The following RLF variants were observed in gnomAD, a reference collection of about 807,000 sequenced individuals.
RLF encodes the protein RLF zinc finger.
RLF carries 7 observed loss-of-function variants against 162.9 expected under a neutral mutation model. The ratio of observed to expected loss-of-function variants is 0.04; its 90% CI spans 0.02 to 0.08. RLF has a LOEUF of 0.08. Among genes scored for constraint, RLF ranks in the 10% least tolerant of loss-of-function variants. RLF has a pLI of 1.00. For synonymous variants in RLF, 782 were observed against 791.5 expected (o/e 0.99, Z 0.20); for missense variants, 1,664 against 2,244.7 (o/e 0.74, Z 5.23).
In RLF at chr1:40,238,436, A is replaced by G. The variant is rs779208611; in HGVS notation, c.3734A>G (p.His1245Arg). ...PSSNSEKPHC[H>R]PKKDECSSET... is the part of the protein sequence containing the mutation. ...AGTAACTCTGAGAAACCACACTGTC[A>G]TCCTAAAAAGGATGAATGTAGTTCT... is the stretch of plus-strand genomic sequence containing the variant. The change falls in exon 8 of 8, where the codon CAT becomes CGT. Residue 1245 changes from histidine to arginine, a missense_variant. By Grantham distance (29) the His-to-Arg change is conservative. This residue lies in a region of RLF where 102 missense variants were observed against 109.5 expected (regional missense o/e 0.93). Transcript: ENST00000372771. This position sits in a 1 kb window ranked among gnomAD's most constrained non-coding sequence, Gnocchi z 5.2. 1 of 1,614,050 alleles carries G rather than the reference A, an allele frequency of 6.2e-7. No individual in the cohort carries two copies. The highest frequency in any genetic ancestry group is 8.5e-7 in the Non-Finnish European group (1 of 1,180,010).
intron 1 of RLF, among the ~76,000 whole-genome samples, chr1:40,170,950 TTAG>T (rs1557736931): frequency 6.6e-6 from 1 of 152,152 alleles, no homozygotes; most frequent in Non-Finnish European, 1.5e-5. Flanking sequence ...GTTATTATTA[TTAG>T]TAGTAGTAGT....
At chr1:40,222,457 TAGC>T in intron 5 of RLF, 114 bp from the exon 6 acceptor site, 2 of 818,614 alleles carry the variant, frequency 2.4e-6, no homozygotes, top group Non-Finnish European at 3.9e-6. Flanking sequence ...ACTCATTCAT[TAGC>T]AGGAGAAAAT....
intron 6 of RLF, among the ~76,000 whole-genome samples, chr1:40,228,396 C>T (rs1643106503): frequency 6.6e-6 from 1 of 151,538 alleles, no homozygotes; most frequent in African/African-American, 2.4e-5. Context: ...CCAGCCTGGC[C>T]AACATAGCGA....
At chr1:40,180,505 A>G (rs1174667594) in intron 1 of RLF, among the ~76,000 whole-genome samples, 2 of 152,076 alleles carry the variant, frequency 1.3e-5, no homozygotes, top group Admixed American at 1.3e-4. Context: ...CAAGTGATCA[A>G]CCTGCCTTGG....
intron 1 of RLF, among the ~76,000 whole-genome samples, chr1:40,169,622 CAAAAAAAAAAAAA>C (rs886534976): frequency 4.3e-5 from 2 of 46,992 alleles, no homozygotes; most frequent in African/African-American, 1.7e-4. Flanking sequence ...GACTCCGTCT[CAAAAAAAAAAAAA>C]AAAAAAAAAA....
chr1:40,199,534 A>T (rs1333220052), intron 4 of RLF, among the ~76,000 whole-genome samples: 1 of 152,232 alleles, frequency 6.6e-6, no homozygotes, highest in Non-Finnish European at 1.5e-5. Flanking sequence ...TGTGTGTCAG[A>T]ATCAGGTTTC....
rs146958102 is a variant in RLF at position 40,181,060 on chromosome 1, G to A, written c.238-7995G>A. Among the ~76,000 whole-genome samples, 26 of 152,316 alleles carry A rather than the reference G, an allele frequency of 1.7e-4. No homozygotes were observed. The East Asian group carries it at 4.2e-3, about 25-fold the overall frequency. ...TTTGATCCATTTCAAGTTGGTTTAT[G>A]TATATGGTGTAAGGTAAGGTCCAGC... On this transcript the variant is annotated intron_variant, in intron 1 of 7. Coordinates refer to ENST00000372771, the MANE Select transcript of RLF (RefSeq NM_012421.4).
chr1:40,168,426 A>G (rs1642195592), intron 1 of RLF, among the ~76,000 whole-genome samples: 1 of 151,964 alleles, frequency 6.6e-6, no homozygotes, highest in Admixed American at 6.6e-5. Context: ...TTATATTTTT[A>G]GTAGAGATGG....
intron 1 of RLF, among the ~76,000 whole-genome samples, chr1:40,165,580 T>G (rs1005409358): frequency 3.9e-5 from 6 of 152,178 alleles, no homozygotes; most frequent in Non-Finnish European, 7.3e-5. Flanking sequence ...GGGATTTTTT[T>G]GGGGGGACAC....
chr1:40,211,738 C>T (rs182692765), intron 5 of RLF, among the ~76,000 whole-genome samples: 4 of 152,210 alleles, frequency 2.6e-5, no homozygotes, highest in Admixed American at 2.6e-4. Flanking sequence ...TCTCCTGCTT[C>T]AGCCTCCCGA....
At position 40,225,572 on chromosome 1, in the gene RLF, CTG is replaced by C. The variant is rs1483333599; in HGVS notation, c.947+2864_947+2865del. On this transcript the variant is annotated intron_variant, in intron 6 of 7. Transcript: ENST00000372771. ...GCAGCCTGGGTGACAGAGCAAGACT[CTG>C]TCTCAAAAAAAAAAAAAAAAAGCCG... Among the ~76,000 whole-genome samples, 11 of 101,180 alleles carry C rather than the reference CTG, an allele frequency of 1.1e-4. No homozygotes were observed. The Admixed American group carries it at 1.2e-3, about 11-fold the overall frequency. The allele number at this position is 101,180 out of a possible 152,430, so 66.4% of individuals were successfully genotyped here.
intron 5 of RLF, among the ~76,000 whole-genome samples, chr1:40,221,560 G>A (rs1358891649): frequency 3.3e-5 from 5 of 151,708 alleles, no homozygotes; most frequent in Middle Eastern, 3.4e-3. Context: ...TTGTAACTGC[G>A]TAGCGCACTG....
chr1:40,232,216 TAA>T (rs536086286), intron 7 of RLF, among the ~76,000 whole-genome samples: 1 of 140,800 alleles, frequency 7.1e-6, no homozygotes. Flanking sequence ...TTTTTTTTTT[TAA>T]AAAAAAAAAA....
intron 5 of RLF, among the ~76,000 whole-genome samples, chr1:40,207,116 T>C (rs1175054807): frequency 6.6e-6 from 1 of 152,228 alleles, no homozygotes; most frequent in African/African-American, 2.4e-5. Flanking sequence ...TCCCACTAGA[T>C]TGTAAACTCC....
chr1:40,189,983 C>G (rs1292726134), intron 2 of RLF, among the ~76,000 whole-genome samples: 1 of 152,158 alleles, frequency 6.6e-6, no homozygotes, highest in African/African-American at 2.4e-5. Flanking sequence ...GACTTCTAGT[C>G]TAGATGGTTT....
At chr1:40,189,357 C>G (rs1187168217) in intron 2 of RLF, 148 bp downstream of exon 2, 3 of 614,104 alleles carry the variant, frequency 4.9e-6, no homozygotes, top group Non-Finnish European at 8.2e-6. Context: ...TACTCACGTT[C>G]CCAGGAGATA....
intron 3 of RLF, among the ~76,000 whole-genome samples, chr1:40,193,922 G>A (rs768524018): frequency 4.6e-5 from 7 of 152,094 alleles, no homozygotes; most frequent in Admixed American, 2.0e-4. Flanking sequence ...AAATGTTGAC[G>A]TAAATGGAAG....
At chr1:40,167,593 G>C (rs1642185125) in intron 1 of RLF, among the ~76,000 whole-genome samples, 1 of 151,964 alleles carries the variant, frequency 6.6e-6, no homozygotes, top group African/African-American at 2.4e-5. Context: ...AGACTAAAAC[G>C]TGTTTTATTT....
chr1:40,165,122 A>T (rs1157085660), intron 1 of RLF, among the ~76,000 whole-genome samples: 1 of 152,226 alleles, frequency 6.6e-6, no homozygotes, highest in Non-Finnish European at 1.5e-5. Flanking sequence ...TATTTTTAAA[A>T]ATGCCTTCAG....
Sources: allele counts gnomAD v4.1 joint callset (sites outside exome capture counted in the v4.1 genomes callset), GRCh38; gene constraint gnomAD v4.1.1; regional missense constraint gnomAD v4.1.1; non-coding constraint Gnocchi (gnomAD v3.1); transcripts MANE v1.5; gene names NCBI Gene and HGNC (gene_info 2026-07-23, HGNC 2026-07-21).